Variants in MACF1 observed in about 807,000 individuals in gnomAD.
MACF1 encodes the protein microtubule-actin cross-linking factor 1.
In MACF1, 193 loss-of-function variants were observed where a neutral mutation model predicts 854.8. The ratio of observed to expected loss-of-function variants is 0.23; its 90% CI spans 0.20 to 0.25. The LOEUF (loss-of-function observed/expected upper bound fraction) is 0.25, where lower values mean the gene tolerates loss of function less well. MACF1 is among the 10% of genes least tolerant of loss of function. MACF1 has a pLI of 1.00. For synonymous variants in MACF1, 3,185 were observed against 3,226.7 expected (o/e 0.99, Z 0.44); for missense variants, 7,722 against 8,929.1 (o/e 0.86, Z 5.45).
At chr1:39,400,579 T>C (rs542061211) in intron 58 of MACF1, among the ~76,000 whole-genome samples, 2 of 152,190 alleles carry the variant, frequency 1.3e-5, no homozygotes, top group Admixed American at 1.3e-4. Context: ...TGATCATGGC[T>C]CACTGCAGCC....
chr1:39,172,842 TCA>T (rs1179581900), intron 2 of MACF1, among the ~76,000 whole-genome samples: 2 of 152,248 alleles, frequency 1.3e-5, no homozygotes, highest in Admixed American at 1.3e-4. Context: ...GGTTGGCATG[TCA>T]CAGATTCTGA....
chr1:39,145,409 G>A (rs1355448996), intron 2 of MACF1, among the ~76,000 whole-genome samples: 1 of 152,088 alleles, frequency 6.6e-6, no homozygotes, highest in African/African-American at 2.4e-5. Context: ...TATATTTTGT[G>A]TTCTTAGTTC....
intron 6 of MACF1, among the ~76,000 whole-genome samples, chr1:39,259,833 G>A (rs750718473): frequency 2.2e-4 from 34 of 151,748 alleles, no homozygotes; most frequent in Non-Finnish European, 4.1e-4. Context: ...GGTCAGGCTG[G>A]TCTCAAACTT....
chr1:39,428,327 T>TAAA (rs762771740), intron 63 of MACF1, 40 bp downstream of exon 63: 19 of 1,479,238 alleles, frequency 1.3e-5, no homozygotes, highest in African/African-American at 2.8e-5. Flanking sequence ...GTTATTCTGT[T>TAAA]ATTTTGTTAT....
chr1:39,155,424 CT>C (rs1325369891), intron 2 of MACF1, among the ~76,000 whole-genome samples: 6 of 152,048 alleles, frequency 3.9e-5, no homozygotes, highest in African/African-American at 1.4e-4. Flanking sequence ...TCTGAATAGA[CT>C]TTAAAAAAGC....
chr1:39,314,480 A>G lies in MACF1; in HGVS notation c.3271-1033A>G, dbSNP rs560899083. ...ACACACACACACACGTGTTACATAT[A>G]CACACATATACATGTACGTAAGTTT... On this transcript the variant is annotated intron_variant, in intron 26 of 100. Transcript: ENST00000564288. Among the ~76,000 whole-genome samples the G allele has an allele frequency of 2.5e-4, 38 of 151,952 alleles. No homozygotes were observed. In the South Asian group the frequency reaches 7.5e-3, roughly 30 times the overall value.
intron 2 of MACF1, among the ~76,000 whole-genome samples, chr1:39,185,579 A>G (rs958733503): frequency 1.3e-5 from 2 of 152,116 alleles, no homozygotes; most frequent in Admixed American, 1.3e-4. Flanking sequence ...AACAACAACT[A>G]TAATTTGAAA....
In MACF1 at chr1:39,240,635, A is replaced by T. The variant is rs575367634; in HGVS notation, c.172-9379A>T. On this transcript the variant is annotated intron_variant, in intron 2 of 100. Coordinates refer to ENST00000564288, the MANE Select transcript of MACF1 (RefSeq NM_001394062.1). ...TGCCTCAGCCTCCCGAGTAGCTGGG[A>T]TTACAGGCATGTGCCACCACGCCTG... Among the ~76,000 whole-genome samples the T allele has an allele frequency of 2.0e-3, 304 of 152,276 alleles. 2 individuals are homozygous for T. Among genetic ancestry groups the T allele is most frequent in the African/African-American group, 7.1e-3 (294 of 41,566 alleles).
At chr1:39,111,570 A>G (rs1279962045) in intron 2 of MACF1, among the ~76,000 whole-genome samples, 3 of 151,934 alleles carry the variant, frequency 2.0e-5, no homozygotes, top group Non-Finnish European at 4.4e-5. Flanking sequence ...TTTAGTAGAG[A>G]GGGGGTTTCA....
At chr1:39,176,788 T>C (rs1393967452) in intron 2 of MACF1, among the ~76,000 whole-genome samples, 1 of 152,220 alleles carries the variant, frequency 6.6e-6, no homozygotes, top group Non-Finnish European at 1.5e-5. Context: ...CCAAGTGATA[T>C]AACTAGTTAT....
At chr1:39,205,571 G>A (rs924072303) in intron 1 of MACF1, among the ~76,000 whole-genome samples, 1 of 152,238 alleles carries the variant, frequency 6.6e-6, no homozygotes. Flanking sequence ...TGTTAACTTG[G>A]TGTGTTTTGG....
intron 2 of MACF1, among the ~76,000 whole-genome samples, chr1:39,184,908 C>T (rs777960408): frequency 7.2e-5 from 11 of 152,130 alleles, no homozygotes; most frequent in South Asian, 2.1e-4. Context: ...GCTTATAACT[C>T]GTTCATCTGA....
intron 98 of MACF1, among the ~76,000 whole-genome samples, chr1:39,480,529 T>G (rs2124229874): frequency 6.6e-6 from 1 of 152,218 alleles, no homozygotes; most frequent in Admixed American, 6.5e-5. Flanking sequence ...CTCAGGAAGC[T>G]GAGGCAAGAG....
At position 39,359,227 on chromosome 1, in the gene MACF1, G is replaced by A. The variant is rs749725260; in HGVS notation, c.12207G>A (p.Glu4069=). 112 of 1,614,000 alleles carry A rather than the reference G, an allele frequency of 6.9e-5. No homozygotes were observed. The Middle Eastern group carries it at 8.2e-4, about 12-fold the overall frequency. The part of the protein sequence containing the change: ...VARDIMEIEG[E]PAPDHRHVQE... ...GTGACATAATGGAAATTGAAGGGGA[G>A]CCAGCCCCAGACCACAGGCATGTTC... is the stretch of plus-strand genomic sequence containing the variant. Residue 4069 remains glutamate (E), a synonymous_variant, in exon 47 of 101, where the codon GAG becomes GAA. Transcript: ENST00000564288.
intron 98 of MACF1, 84 bp from the exon 99 acceptor site, chr1:39,480,832 CTATT>C: frequency 1.4e-6 from 1 of 693,766 alleles, no homozygotes; most frequent in Non-Finnish European, 2.5e-6. Flanking sequence ...TTAGTATCTT[CTATT>C]TATTTTTTTC....
intron 2 of MACF1, among the ~76,000 whole-genome samples, chr1:39,234,495 G>C (rs1413102027): frequency 4.4e-5 from 6 of 137,310 alleles, no homozygotes; most frequent in African/African-American, 1.6e-4. Context: ...AGGGGCAGCC[G>C]GGCAGAGGCG....
In MACF1 at chr1:39,382,028, C is replaced by G. The variant is rs1393201187; in HGVS notation, c.13724C>G (p.Ala4575Gly). 1.9e-6 allele frequency: 3 copies of G among 1,614,120 alleles called. No individual in the cohort carries two copies. Among genetic ancestry groups the G allele is most frequent in the East Asian group, 2.2e-5 (1 of 44,882 alleles). Residue 4575 changes from alanine (A) to glycine (G), a missense_variant, in exon 56 of 101, where the codon GCC becomes GGC. Transcript: ENST00000564288. The part of the protein sequence containing the change: ...RQLEESASHL[A>G]CFQAAESQLR... The stretch of plus-strand genomic sequence containing the variant: ...CTAGAGGAATCTGCAAGTCATCTGG[C>G]CTGCTTCCAGGCTGCAGAATCCCAG...
intron 2 of MACF1, among the ~76,000 whole-genome samples, chr1:39,181,128 G>A (rs969057999): frequency 2.0e-5 from 3 of 152,202 alleles, no homozygotes; most frequent in Non-Finnish European, 4.4e-5. Flanking sequence ...GGCTGGCTTC[G>A]AACTCCTGGC....
At chr1:39,142,747 C>T (rs1187959612) in intron 2 of MACF1, among the ~76,000 whole-genome samples, 2 of 152,198 alleles carry the variant, frequency 1.3e-5, no homozygotes, top group Non-Finnish European at 2.9e-5. Flanking sequence ...GAGCCTCAGC[C>T]CTGCATCCTG....
Sources: allele counts gnomAD v4.1 joint callset (sites outside exome capture counted in the v4.1 genomes callset), GRCh38; gene constraint gnomAD v4.1.1; transcripts MANE v1.5; gene names NCBI Gene and HGNC (gene_info 2026-07-23, HGNC 2026-07-21).